Variants in ARHGAP39 observed in about 807,000 individuals in gnomAD.
ARHGAP39 encodes the protein Rho GTPase activating protein 39.
In ARHGAP39, 44 loss-of-function variants were observed where a neutral mutation model predicts 106.9. The observed-to-expected ratio is 0.41, with a 90% CI of 0.32 to 0.53. The LOEUF is 0.53. Ranked by LOEUF, ARHGAP39 falls within the 20% of genes least tolerant of loss-of-function variation. The pLI is 0.21. For synonymous variants in ARHGAP39, 768 were observed against 693.2 expected, an observed-to-expected ratio of 1.11 and a Z score of -1.69; for missense variants, 1,496 against 1,577.3, an observed-to-expected ratio of 0.95 and a Z score of 0.87.
intron 1 of ARHGAP39, among the ~76,000 whole-genome samples, chr8:144,610,569 A>G (rs977378320): frequency 6.6e-6 from 1 of 151,730 alleles, no homozygotes; most frequent in African/African-American, 2.4e-5. Flanking sequence ...AAAGTTAGCC[A>G]GGCGTGGTGG....
chr8:144,559,301 G>A (rs555397342), intron 3 of ARHGAP39, among the ~76,000 whole-genome samples: 1 of 145,130 alleles, frequency 6.9e-6, no homozygotes, highest in African/African-American at 2.6e-5. Context: ...GGGAGGTGGA[G>A]CTTGCAGTGA....
chr8:144,542,982 C>T (rs1313289542), intron 6 of ARHGAP39, among the ~76,000 whole-genome samples: 1 of 150,962 alleles, frequency 6.6e-6, no homozygotes, highest in African/African-American at 2.4e-5. Context: ...GTTGCCCAGG[C>T]TGGGGGTCTT....
At position 144,685,792 on chromosome 8, in the gene ARHGAP39, GCCGCGGCAGCCCGT is replaced by G. The variant is rs1462282550; in HGVS notation, c.-202_-189del. 6.8e-6 allele frequency among the ~76,000 whole-genome samples: 1 copy of G among 147,722 alleles called. No homozygotes were observed. Among genetic ancestry groups the G allele is most frequent in the Non-Finnish European group, 1.5e-5 (1 of 66,298 alleles). ...GCCTCTCTGCTGCTCCGCCGCTGCT[GCCGCGGCAGCCCGT>G]GCTGTCGGCGTCCTCCGCCGCCGCC... On this transcript the variant is annotated 5_prime_UTR_variant, in exon 1 of 12. Transcript: ENST00000377307.
chr8:144,548,607 G>GCCAGGCCA lies in ARHGAP39; in HGVS notation c.597-119_597-118insTGGCCTGG. The GCCAGGCCA allele has an allele frequency of 1.5e-6, 2 of 1,353,292 alleles. No individual in the cohort carries two copies. The highest frequency in any genetic ancestry group is 2.0e-6 in the Non-Finnish European group (2 of 1,021,364). 83.8% of individuals were successfully genotyped at this position (1,353,292 alleles called of 1,614,324 possible). A position where few individuals can be genotyped will look rare whatever the true frequency, so the allele number is the denominator to read the frequency against. ...GAACCCTCTGTTGTACACCTTCCTC[G>GCCAGGCCA]CTGGGGCCCTGTGGCCTGGCGCCCC... On this transcript the variant is annotated intron_variant, in intron 4 of 11. Transcript: ENST00000377307. The surrounding 1 kb of genome is among the most constrained non-coding windows in gnomAD (Gnocchi z 7.4).
intron 6 of ARHGAP39, among the ~76,000 whole-genome samples, chr8:144,541,140 C>G (rs548602648): frequency 6.6e-6 from 1 of 152,196 alleles, no homozygotes; most frequent in East Asian, 1.9e-4. Context: ...CGTGAGCCAC[C>G]GCGCCTGGAC....
intron 1 of ARHGAP39, among the ~76,000 whole-genome samples, chr8:144,639,325 C>CAAAA (rs1320599462): frequency 1.4e-4 from 9 of 64,332 alleles, no homozygotes; most frequent in Admixed American, 1.7e-4. Context: ...GATGCTGTCT[C>CAAAA]AAAAAAAAAA....
At chr8:144,617,201 T>C (rs1346755360) in intron 1 of ARHGAP39, among the ~76,000 whole-genome samples, 2 of 150,604 alleles carry the variant, frequency 1.3e-5, no homozygotes, top group East Asian at 3.9e-4. Flanking sequence ...AGCGAGACTC[T>C]GTGTAAAAAA....
chr8:144,561,380 GGACTCACCCCAGTGGTGTCCATCA>G (rs1818144401), intron 3 of ARHGAP39, among the ~76,000 whole-genome samples: 1 of 150,230 alleles, frequency 6.7e-6, no homozygotes, highest in Non-Finnish European at 1.5e-5. Flanking sequence ...GGTTTCCATC[GGACTCACCCCAGTGGTGTCCATCA>G]CACTCCAGTG....
At chr8:144,698,744 G>A in the ARHGAP39 span, 1 of 450,074 alleles carries the variant, frequency 2.2e-6, no homozygotes, top group Non-Finnish European at 4.5e-6. Flanking sequence ...AGAGGACGAA[G>A]GCCTTTTCCA....
intron 2 of ARHGAP39, among the ~76,000 whole-genome samples, chr8:144,602,423 C>CTG (rs572611674): frequency 8.3e-6 from 1 of 119,842 alleles, no homozygotes; most frequent in Non-Finnish European, 1.7e-5. Context: ...GCTTGTGTAC[C>CTG]TGTGTGTGTG....
rs1819177400 is a variant in ARHGAP39 at position 144,586,147 on chromosome 8, T to G, written c.81-4870A>C. 1 of 152,258 alleles carries G rather than the reference T, an allele frequency of 6.6e-6. No homozygotes were observed. Among genetic ancestry groups the G allele is most frequent in the African/African-American group, 2.4e-5 (1 of 41,438 alleles). The allele number at this position is 152,258 out of a possible 1,614,324, so 9.4% of individuals were successfully genotyped here. A position where few individuals can be genotyped will look rare whatever the true frequency, so the allele number is the denominator to read the frequency against. On this transcript the variant is annotated intron_variant, in intron 2 of 11. Coordinates refer to ENST00000377307, the MANE Select transcript of ARHGAP39 (RefSeq NM_025251.3). The surrounding 1 kb of genome is among the most constrained non-coding windows in gnomAD (Gnocchi z 4.2). ...GTGTATGCCACCACAGCTGGCTATT[T>G]TTTTTGTATTTTTAGTAGGGATGGG...
intron 1 of ARHGAP39, among the ~76,000 whole-genome samples, chr8:144,682,004 C>G (rs1371754177): frequency 1.3e-5 from 2 of 152,190 alleles, no homozygotes; most frequent in African/African-American, 4.8e-5. Context: ...TGCGGTGGCA[C>G]ACGCCTGTAA....
chr8:144,609,396 C>A (rs79283599), intron 1 of ARHGAP39, among the ~76,000 whole-genome samples: 2 of 143,240 alleles, frequency 1.4e-5, no homozygotes, highest in South Asian at 2.2e-4. Flanking sequence ...GATGTATTGT[C>A]CTTTTTTTTT....
chr8:144,548,018 G>A lies in ARHGAP39; in HGVS notation c.1068C>T (p.Phe356=), dbSNP rs1209183111. 4 of 1,609,252 alleles carry A rather than the reference G, an allele frequency of 2.5e-6. No individual in the cohort carries two copies. In the South Asian group the frequency reaches 4.4e-5, roughly 18 times the overall value. The part of the protein sequence containing the change: ...QRSPGRKPRP[F]LQPNKQGPPS... ...GGGGGCCCTGCTTGTTGGGCTGGAG[G>A]AACGGCCGGGGCTTACGGCCCGGCG... is the stretch of plus-strand genomic sequence containing the variant. The change falls in exon 5 of 12, where the codon TTC becomes TTT. Residue 356 remains phenylalanine, a synonymous_variant. Transcript: ENST00000377307. This position sits in a 1 kb window ranked among gnomAD's most constrained non-coding sequence, Gnocchi z 7.4.
rs1186294113 is a variant in ARHGAP39 at position 144,530,871 on chromosome 8, G to A, written c.2981C>T (p.Ala994Val). 1.2e-6 allele frequency: 2 copies of A among 1,607,610 alleles called. No individual in the cohort carries two copies. The highest frequency in any genetic ancestry group is 3.3e-5 in the Admixed American group (2 of 59,888). ...CCGGTACCACAGCTTCAGCAGGGAC[G>A]CTGGGGACACAGCACGGGGCTCAGC... is the stretch of plus-strand genomic sequence containing the variant. ...PTGLEDPHVPASLLKLWYREL... is the reference protein window; with the variant it reads ...PTGLEDPHVPVSLLKLWYREL... Residue 994 changes from alanine (A) to valine (V), a missense_variant and splice_region_variant, in exon 11 of 12, where the codon GCG becomes GTG. Ala to Val is a moderately conservative substitution (Grantham distance 64). Around this residue, in one of 4 missense-constraint regions of ARHGAP39, gnomAD observed 470 missense variants for 605.1 expected, o/e 0.78. Coordinates refer to ENST00000377307, the MANE Select transcript of ARHGAP39 (RefSeq NM_025251.3).
At chr8:144,561,840 T>C (rs1818181274) in intron 3 of ARHGAP39, among the ~76,000 whole-genome samples, 5 of 140,778 alleles carry the variant, frequency 3.6e-5, no homozygotes, top group Non-Finnish European at 6.1e-5. Flanking sequence ...TCCATCGGGC[T>C]CCAGTGGTTT....
At chr8:144,553,377 T>A (rs1339320199) in intron 4 of ARHGAP39, among the ~76,000 whole-genome samples, 3 of 152,160 alleles carry the variant, frequency 2.0e-5, no homozygotes, top group African/African-American at 7.2e-5. Context: ...CAAGTGCAAC[T>A]CTGGCGAGCG....
rs890051281 is a variant in ARHGAP39, at chr8:144,684,011, A to G, written c.-82+1675T>C. On this transcript the variant is annotated intron_variant, in intron 1 of 11. Coordinates refer to ENST00000377307, the MANE Select transcript of ARHGAP39 (RefSeq NM_025251.3). This position sits in a 1 kb window ranked among gnomAD's most constrained non-coding sequence, Gnocchi z 4.4. ...TGAGGCCAATATTATTAGTGTTCCC[A>G]TTTTACAGATGAGAAGCCAAAGGCA... 2.6e-5 allele frequency among the ~76,000 whole-genome samples: 4 copies of G among 152,200 alleles called. No homozygotes were observed. The highest frequency in any genetic ancestry group is 9.7e-5 in the African/African-American group (4 of 41,444).
At chr8:144,693,652 C>T in the ARHGAP39 span, among the ~76,000 whole-genome samples, 40 of 152,200 alleles carry the variant, frequency 2.6e-4, no homozygotes, top group Non-Finnish European at 5.3e-4. Context: ...GGATTACAGG[C>T]GTGAGCCACC....
Sources: gnomAD v4.1 joint callset for allele counts (sites outside exome capture counted in the v4.1 genomes callset) on GRCh38, gnomAD v4.1.1 for gene constraint, gnomAD v4.1.1 regional missense constraint, Gnocchi (gnomAD v3.1) non-coding constraint, MANE v1.5 for transcripts, NCBI Gene and HGNC (gene_info 2026-07-23, HGNC 2026-07-21) for gene names.